The following CPNE5 variants were observed in gnomAD, a reference collection of about 807,000 sequenced individuals.
The protein encoded by CPNE5 is copine 5.
A neutral mutation model predicts 81.1 loss-of-function variants in CPNE5; 42 were observed. The observed-to-expected ratio is 0.52, with a 90% confidence interval of 0.40 to 0.67. The LOEUF (loss-of-function observed/expected upper bound fraction) is 0.67. Among genes scored for constraint, CPNE5 ranks in the 30% least tolerant of loss-of-function variants. The pLI, the probability that CPNE5 is intolerant of heterozygous loss-of-function variation, is 0.00. For synonymous variants in CPNE5, 313 were observed against 321.5 expected, an observed-to-expected ratio of 0.97 and a Z score of 0.28; for missense variants, 612 against 815.5, an observed-to-expected ratio of 0.75 and a Z score of 3.04.
chr6:36,783,201 C>A (rs192870522), intron 8 of CPNE5, among the ~76,000 whole-genome samples: 1 of 152,128 alleles, frequency 6.6e-6, no homozygotes, highest in South Asian at 2.1e-4. Flanking sequence ...AGGGGAACAA[C>A]ACACACTGGG....
intron 1 of CPNE5, among the ~76,000 whole-genome samples, chr6:36,826,281 G>C (rs1323131105): frequency 1.3e-5 from 2 of 152,164 alleles, no homozygotes; most frequent in East Asian, 3.9e-4. Context: ...CTAAGAAACA[G>C]AATCTAGCCA....
intron 3 of CPNE5, among the ~76,000 whole-genome samples, chr6:36,817,224 C>G (rs948909876): frequency 6.6e-6 from 1 of 152,110 alleles, no homozygotes; most frequent in East Asian, 1.9e-4. Context: ...ACTCGGGAGG[C>G]TGAGACAGGA....
chr6:36,834,694 G>T (rs1319131178), intron 1 of CPNE5, among the ~76,000 whole-genome samples: 2 of 152,142 alleles, frequency 1.3e-5, no homozygotes, highest in East Asian at 1.9e-4. Context: ...ATTGCATACG[G>T]TTCAGCCTAA....
At chr6:36,764,713 G>A (rs73730185) in intron 11 of CPNE5, among the ~76,000 whole-genome samples, 101 of 152,172 alleles carry the variant, frequency 6.6e-4, no homozygotes, top group African/African-American at 1.9e-3. Context: ...CAGCAGCCAG[G>A]GACAGCCCTA....
Position 36,745,148 on chromosome 6 carries a change from T to C in CPNE5, c.1331A>G (p.Asn444Ser). Reference sequence around the variant, plus strand: ...GGAGCCATCCTGCACGGCCGCTGCATTCCTGGGTGGGGCAGGTGTGGGCTC... The same window carrying C: ...GGAGCCATCCTGCACGGCCGCTGCACTCCTGGGTGGGGCAGGTGTGGGCTC... ...FAPVVTHVARNAAAVQDGSQY... is the reference protein window; with the variant it reads ...FAPVVTHVARSAAAVQDGSQY... The change falls in exon 18 of 21, where the codon AAT becomes AGT. Residue 444 changes from asparagine to serine, a missense_variant and splice_region_variant. By Grantham distance (46) the Asn-to-Ser change is conservative (BLOSUM62 1). Transcript: ENST00000244751. 1.2e-6 allele frequency: 2 copies of C among 1,612,748 alleles called. No homozygotes were observed. Among genetic ancestry groups the C allele is most frequent in the Non-Finnish European group, 1.7e-6 (2 of 1,179,014 alleles).
At chr6:36,769,699 C>T (rs916296) in intron 10 of CPNE5, among the ~76,000 whole-genome samples, 11,903 of 152,282 alleles carry the variant, frequency 0.078, 565 homozygotes, top group East Asian at 0.17. Context: ...CACTGCGCAA[C>T]ACCGGGCAGT....
intron 3 of CPNE5, among the ~76,000 whole-genome samples, chr6:36,817,322 C>T (rs2007290): frequency 0.16 from 23,752 of 152,086 alleles, 2,382 homozygotes; most frequent in East Asian, 0.26. Flanking sequence ...TGAAACTCTA[C>T]GCAAAAATAA....
chr6:36,810,352 C>T (rs569917866), intron 3 of CPNE5, among the ~76,000 whole-genome samples: 1 of 152,336 alleles, frequency 6.6e-6, no homozygotes, highest in African/African-American at 2.4e-5. Context: ...TCCCTCAATA[C>T]TTTTCATATA....
In CPNE5 at chr6:36,746,627, C is replaced by T. The variant is rs756111818; in HGVS notation, c.1019-50G>A. 6.5e-7 allele frequency: 1 copy of T among 1,547,494 alleles called. No homozygotes were observed. The highest frequency in any genetic ancestry group is 8.7e-7 in the Non-Finnish European group (1 of 1,149,034). On this transcript the variant is annotated intron_variant, in intron 15 of 20. Coordinates refer to ENST00000244751, the MANE Select transcript of CPNE5 (RefSeq NM_020939.2). This position sits in a 1 kb window ranked among gnomAD's most constrained non-coding sequence, Gnocchi z 4.5. Reference sequence around the variant, plus strand: ...TTGACCATCTGGACCCTCCAAGTCACCCCGGGTTCAGAATGAAGAAGGGGG... The same window carrying T: ...TTGACCATCTGGACCCTCCAAGTCATCCCGGGTTCAGAATGAAGAAGGGGG...
intron 1 of CPNE5, among the ~76,000 whole-genome samples, chr6:36,832,033 C>G (rs947315385): frequency 6.6e-6 from 1 of 152,162 alleles, no homozygotes; most frequent in African/African-American, 2.4e-5. Flanking sequence ...CAGAAGAGAC[C>G]TTAGGGAACC....
intron 3 of CPNE5, 70 bp downstream of exon 3, chr6:36,822,044 C>G: frequency 7.1e-7 from 1 of 1,401,634 alleles, no homozygotes; most frequent in African/African-American, 1.4e-5. Flanking sequence ...GGAAATTGCT[C>G]CCGAATTAGA....
At chr6:36,794,489 G>T (rs1353985105) in intron 7 of CPNE5, 101 bp downstream of exon 7, 16 of 1,122,746 alleles carry the variant, frequency 1.4e-5, no homozygotes, top group African/African-American at 3.1e-5. Flanking sequence ...GGCCAAATTC[G>T]CAGTGATGGG....
intron 3 of CPNE5, among the ~76,000 whole-genome samples, chr6:36,807,644 G>A (rs147859796): frequency 1.3e-5 from 2 of 151,690 alleles, no homozygotes; most frequent in Non-Finnish European, 2.9e-5. Flanking sequence ...CACCTGAGAG[G>A]GTTTTCGTCC....
chr6:36,830,193 A>C lies in CPNE5; in HGVS notation c.96-7095T>G, dbSNP rs899278101. On this transcript the variant is annotated intron_variant, in intron 1 of 20. Coordinates refer to ENST00000244751, the MANE Select transcript of CPNE5 (RefSeq NM_020939.2). ...ACTCTGAACTCTGAAGCTCAAGCTC[A>C]TTTAAAGGTGCCCTGGGGAGTGCTT... is the stretch of plus-strand genomic sequence containing the variant. 2.3e-4 allele frequency among the ~76,000 whole-genome samples: 35 copies of C among 152,294 alleles called. No homozygotes were observed. The Middle Eastern group carries it at 0.01, about 44-fold the overall frequency.
At chr6:36,824,775 A>G (rs1462287495) in intron 1 of CPNE5, among the ~76,000 whole-genome samples, 3 of 152,094 alleles carry the variant, frequency 2.0e-5, no homozygotes. Flanking sequence ...GGTGAAACCC[A>G]TCTCTACTAA....
chr6:36,743,827 G>C, intron 19 of CPNE5, 65 bp from the exon 20 acceptor site: 2 of 1,375,824 alleles, frequency 1.5e-6, no homozygotes, highest in Admixed American at 3.4e-5. Context: ...CCTAGCAGGA[G>C]AGTGGACTTG....
In CPNE5 at chr6:36,745,161, C is replaced by T. The variant is rs561399883; in HGVS notation, c.1329-11G>A. 6.2e-7 allele frequency: 1 copy of T among 1,606,880 alleles called. No homozygotes were observed. Among genetic ancestry groups the T allele is most frequent in the South Asian group, 1.1e-5 (1 of 90,896 alleles). On this transcript the variant is annotated splice_polypyrimidine_tract_variant and intron_variant, in intron 17 of 20. Coordinates refer to ENST00000244751, the MANE Select transcript of CPNE5 (RefSeq NM_020939.2). ...ACGGCCGCTGCATTCCTGGGTGGGG[C>T]AGGTGTGGGCTCAGGTCTGTCTGCG... is the stretch of plus-strand genomic sequence containing the variant.
Position 36,763,007 on chromosome 6 carries a change from G to C in CPNE5, c.780-15C>G. The stretch of plus-strand genomic sequence containing the variant: ...TGAAGTCATGGCTGCAAGGGAAGAC[G>C]GCTGCTGAGACCAAGGCCAGGCTGT... On this transcript the variant is annotated splice_polypyrimidine_tract_variant and intron_variant, in intron 11 of 20. Coordinates refer to ENST00000244751, the MANE Select transcript of CPNE5 (RefSeq NM_020939.2). The C allele has an allele frequency of 6.2e-7, 1 of 1,613,070 alleles. No homozygotes were observed. Among genetic ancestry groups the C allele is most frequent in the South Asian group, 1.1e-5 (1 of 91,060 alleles).
At chr6:36,825,738 C>G (rs236370) in intron 1 of CPNE5, among the ~76,000 whole-genome samples, 3,384 of 152,216 alleles carry the variant, frequency 0.022, 134 homozygotes, top group African/African-American at 0.074. Flanking sequence ...CTGAAGTGTG[C>G]TAAGTTTGGG....
Sources: gnomAD v4.1 joint callset for allele counts (sites outside exome capture counted in the v4.1 genomes callset) on GRCh38, gnomAD v4.1.1 for gene constraint, Gnocchi (gnomAD v3.1) non-coding constraint, MANE v1.5 for transcripts, NCBI Gene and HGNC (gene_info 2026-07-23, HGNC 2026-07-21) for gene names.